Variants in PACSIN2 observed in about 807,000 individuals in gnomAD.
PACSIN2 encodes the protein protein kinase C and casein kinase substrate in neurons protein 2.
A neutral mutation model predicts 63.8 loss-of-function variants in PACSIN2; 25 were observed. The observed-to-expected ratio is 0.39, with a 90% CI of 0.29 to 0.55. PACSIN2 has a LOEUF of 0.55. Among genes scored for constraint, PACSIN2 ranks in the 20% least tolerant of loss-of-function variants. The probability of loss-of-function intolerance (pLI) is 0.62; values close to 1 mark genes in which losing one functional copy is unlikely to be tolerated. For missense variants in PACSIN2, 518 were observed against 646.9 expected, an observed-to-expected ratio of 0.80 and a Z score of 2.16; for synonymous variants, 255 against 256.2, an observed-to-expected ratio of 1.00 and a Z score of 0.05.
intron 10 of PACSIN2, among the ~76,000 whole-genome samples, chr22:42,873,888 G>A (rs1928368324): frequency 6.6e-6 from 1 of 151,786 alleles, no homozygotes. Context: ...CCACCTCCCA[G>A]GTTCAAGTGA....
intron 1 of PACSIN2, among the ~76,000 whole-genome samples, chr22:42,940,941 AAT>A (rs1274141858): frequency 1.3e-5 from 2 of 152,188 alleles, no homozygotes; most frequent in Admixed American, 1.3e-4. Context: ...AAATGTACAC[AAT>A]GATTTTTAGT....
At chr22:43,014,365 C>CACACACACACACACA (rs1227376539) in intron 1 of PACSIN2, among the ~76,000 whole-genome samples, 2 of 9,360 alleles carry the variant, frequency 2.1e-4, no homozygotes, top group African/African-American at 8.7e-4. Flanking sequence ...CACACACACA[C>CACACACACACACACA]CACCCCCCCC....
intron 1 of PACSIN2, among the ~76,000 whole-genome samples, chr22:42,939,147 C>G (rs150734907): frequency 6.6e-6 from 1 of 152,158 alleles, no homozygotes; most frequent in Non-Finnish European, 1.5e-5. Context: ...GAGCTAACAG[C>G]GTGTAATTAG....
chr22:42,924,063 T>C (rs1932375725), intron 1 of PACSIN2, among the ~76,000 whole-genome samples: 2 of 145,350 alleles, frequency 1.4e-5, no homozygotes, highest in Admixed American at 6.8e-5. Context: ...AAAAAAAAAA[T>C]CCTGGAGAAT....
intron 1 of PACSIN2, among the ~76,000 whole-genome samples, chr22:42,969,689 A>G (rs949007159): frequency 6.6e-6 from 1 of 152,166 alleles, no homozygotes; most frequent in African/African-American, 2.4e-5. Flanking sequence ...CTGTAATTCC[A>G]GCACTCTGAG....
intron 1 of PACSIN2, among the ~76,000 whole-genome samples, chr22:42,982,685 AAG>A (rs1197606357): frequency 1.5e-5 from 2 of 134,064 alleles, no homozygotes; most frequent in Non-Finnish European, 3.1e-5. Context: ...CATGCTCGTT[AAG>A]AGTCATCACC....
At chr22:43,009,650 A>T (rs1924321994) in intron 1 of PACSIN2, among the ~76,000 whole-genome samples, 1 of 152,146 alleles carries the variant, frequency 6.6e-6, no homozygotes, top group South Asian at 2.1e-4. Flanking sequence ...ACAAGAGCCC[A>T]AGGCTCCTAG....
chr22:42,990,322 T>C (rs1299241313), intron 1 of PACSIN2, among the ~76,000 whole-genome samples: 2 of 152,076 alleles, frequency 1.3e-5, no homozygotes, highest in Non-Finnish European at 2.9e-5. Flanking sequence ...GATCCTCATG[T>C]CACTCATGCC....
chr22:42,894,530 C>G (rs111228786), intron 2 of PACSIN2, among the ~76,000 whole-genome samples: 1 of 152,146 alleles, frequency 6.6e-6, no homozygotes, highest in African/African-American at 2.4e-5. Flanking sequence ...CGTGAGGCAC[C>G]GCGCCCAGCC....
chr22:42,978,872 T>C (rs1921879788), intron 1 of PACSIN2, among the ~76,000 whole-genome samples: 1 of 152,230 alleles, frequency 6.6e-6, no homozygotes, highest in Non-Finnish European at 1.5e-5. Flanking sequence ...GAAATCTCCC[T>C]ACTCCTTCAA....
In PACSIN2 at chr22:42,980,536, AGCC is replaced by A. The variant is rs1214282515; in HGVS notation, c.-78+34482_-78+34484del. 7.3e-3 allele frequency among the ~76,000 whole-genome samples: 895 copies of A among 122,978 alleles called. 8 individuals carry two copies. Among genetic ancestry groups the A allele is most frequent in the African/African-American group, 0.024 (791 of 32,306 alleles). The allele number at this position is 122,978 out of a possible 152,430, so 80.7% of individuals were successfully genotyped here. On this transcript the variant is annotated intron_variant, in intron 1 of 10. Coordinates refer to ENST00000263246, the MANE Select transcript of PACSIN2 (RefSeq NM_001184970.3). ...CCTCCACGGTCTCCCTCTGATGCCG[AGCC>A]AAAGCTGGACGGTACTGCTGCCATC...
intron 1 of PACSIN2, among the ~76,000 whole-genome samples, chr22:42,984,025 C>T (rs1411303913): frequency 5.2e-5 from 7 of 135,424 alleles, no homozygotes; most frequent in East Asian, 2.2e-4. Flanking sequence ...GGCTGGAGTG[C>T]AATGATGAAA....
Position 43,010,922 on chromosome 22 carries a change from C to T in PACSIN2, c.-78+4099G>A, listed in dbSNP as rs536413787. Among the ~76,000 whole-genome samples the T allele has an allele frequency of 3.9e-5, 6 of 152,304 alleles. No individual in the cohort carries two copies. In the Middle Eastern group the frequency reaches 0.01, roughly 259 times the overall value. ...TTTCATCAAAATGTCAAAACTTGTG[C>T]TCTTTGGTGGCCACTGTCCCTCAAG... is the stretch of plus-strand genomic sequence containing the variant. On this transcript the variant is annotated intron_variant, in intron 1 of 10. Transcript: ENST00000263246.
intron 2 of PACSIN2, chr22:42,909,309 G>A: frequency 2.9e-6 from 1 of 342,118 alleles, no homozygotes; most frequent in Non-Finnish European, 5.8e-6. Flanking sequence ...ACATATTCCA[G>A]TTAGTATCTT....
At chr22:42,958,641 C>A (rs927916948) in intron 1 of PACSIN2, among the ~76,000 whole-genome samples, 2 of 152,170 alleles carry the variant, frequency 1.3e-5, no homozygotes, top group Non-Finnish European at 2.9e-5. Context: ...TAAGGTCGGA[C>A]AGACATACTA....
chr22:42,920,868 T>C (rs1223410360), intron 1 of PACSIN2, among the ~76,000 whole-genome samples: 2 of 142,198 alleles, frequency 1.4e-5, no homozygotes. Flanking sequence ...AGTGGTGTGA[T>C]CACAGCTCAC....
chr22:42,958,133 A>C (rs1348655772), intron 1 of PACSIN2, among the ~76,000 whole-genome samples: 2 of 152,124 alleles, frequency 1.3e-5, no homozygotes, highest in Admixed American at 6.5e-5. Context: ...ATTCATCTTA[A>C]GATAATAATG....
intron 1 of PACSIN2, among the ~76,000 whole-genome samples, chr22:42,985,633 A>T (rs958347130): frequency 6.6e-6 from 1 of 152,178 alleles, no homozygotes; most frequent in Non-Finnish European, 1.5e-5. Context: ...ATAACAGGAC[A>T]AAGAACAGCC....
At position 42,870,454 on chromosome 22, in the gene PACSIN2, T is replaced by C. The variant is rs530525824; in HGVS notation, c.*903A>G. ...TAAAACAGTAGACGAGTGCTTTAGA[T>C]TCTCTGAATATCAAATAATATATAC... is the stretch of plus-strand genomic sequence containing the variant. On this transcript the variant is annotated 3_prime_UTR_variant, in exon 11 of 11. Transcript: ENST00000263246. 9.9e-5 allele frequency: 15 copies of C among 150,886 alleles called. No homozygotes were observed. The highest frequency in any genetic ancestry group is 3.7e-4 in the African/African-American group (15 of 40,164). The allele number at this position is 150,886 out of a possible 1,614,324, so 9.3% of individuals were successfully genotyped here.
Sources: gnomAD v4.1 joint callset for allele counts (sites outside exome capture counted in the v4.1 genomes callset) on GRCh38, gnomAD v4.1.1 for gene constraint, MANE v1.5 for transcripts, NCBI Gene and HGNC (gene_info 2026-07-23, HGNC 2026-07-21) for gene names.